KIAA0586: variants seen among roughly 807,000 people sequenced by gnomAD.
KIAA0586 encodes the protein KIAA0586.
A neutral mutation model predicts 169.8 loss-of-function variants in KIAA0586; 144 were observed. The ratio of observed to expected loss-of-function variants is 0.85; its 90% CI spans 0.74 to 0.97. The LOEUF is 0.97. Among genes scored for constraint, KIAA0586 ranks in the 50% least tolerant of loss-of-function variants. KIAA0586 has a pLI of 0.00. For synonymous variants in KIAA0586, 625 were observed against 612.4 expected (o/e 1.02, Z -0.30); for missense variants, 1,854 against 1,823.0 (o/e 1.02, Z -0.31).
At chr14:58,453,241 TA>T in intron 8 of KIAA0586, 108 bp from the exon 9 acceptor site, 1 of 582,380 alleles carries the variant, frequency 1.7e-6, no homozygotes, top group Non-Finnish European at 2.7e-6. Flanking sequence ...ATTGAGTAGA[TA>T]ATCATCATAA....
intron 4 of KIAA0586, among the ~76,000 whole-genome samples, chr14:58,433,541 T>G (rs778905071): frequency 3.9e-5 from 6 of 152,266 alleles, no homozygotes; most frequent in Non-Finnish European, 7.3e-5. Context: ...TAGGTGATAT[T>G]ATATACTTCC....
chr14:58,528,695 A>T (rs1363980643), intron 29 of KIAA0586, among the ~76,000 whole-genome samples: 1 of 152,234 alleles, frequency 6.6e-6, no homozygotes, highest in Non-Finnish European at 1.5e-5. Context: ...TCTGGGACAC[A>T]TTTAAAGCAG....
chr14:58,434,583 G>C (rs1430761903), intron 4 of KIAA0586, among the ~76,000 whole-genome samples: 1 of 152,134 alleles, frequency 6.6e-6, no homozygotes, highest in African/African-American at 2.4e-5. Flanking sequence ...TTTTCATCAT[G>C]CTATTGTAAT....
chr14:58,539,848 A>G, intron 29 of KIAA0586: 1 of 359,658 alleles, frequency 2.8e-6, no homozygotes. Flanking sequence ...TGATGCATAA[A>G]GATAATAATC....
downstream of KIAA0586, among the ~76,000 whole-genome samples, chr14:58,553,757 G>A (rs368217448): frequency 5.3e-5 from 8 of 152,178 alleles, no homozygotes; most frequent in East Asian, 1.3e-3. Flanking sequence ...TGTAGCTGTT[G>A]TCAAGAGGAC....
At position 58,508,590 on chromosome 14, in the gene KIAA0586, C is replaced by G; in HGVS notation, c.4204C>G (p.Pro1402Ala). 6 of 1,597,778 alleles carry G rather than the reference C, an allele frequency of 3.8e-6. No homozygotes were observed. The highest frequency in any genetic ancestry group is 5.1e-6 in the Non-Finnish European group (6 of 1,171,394). The change falls in exon 28 of 31, where the codon CCA becomes GCA. Residue 1402 changes from proline (P) to alanine (A), a missense_variant. Transcript: ENST00000652326. ...IYEDSCASHG[P>A]MSLGELELEP... ...TGAAGATTCATGTGCTAGTCATGGT[C>G]CAATGAGTTTGGGAGAATTGGAGTT...
At chr14:58,511,041 A>G (rs2044349569) in intron 28 of KIAA0586, among the ~76,000 whole-genome samples, 1 of 152,150 alleles carries the variant, frequency 6.6e-6, no homozygotes, top group South Asian at 2.1e-4. Context: ...TGTTTATTGT[A>G]TTATCTTGAT....
Position 58,474,748 on chromosome 14 carries a change from G to T in KIAA0586, c.2776G>T (p.Asp926Tyr), listed in dbSNP as rs2141025303. The change falls in exon 19 of 31, where the codon GAT becomes TAT. Residue 926 changes from aspartate to tyrosine, a missense_variant. Coordinates refer to ENST00000652326, the MANE Select transcript of KIAA0586 (RefSeq NM_001329943.3). Reference sequence around the variant, plus strand: ...TTTTCAGCCCACTGCTGATATTCTGGATAAAGTAATTGAGAGAAAAGAAAC... The same window carrying T: ...TTTTCAGCCCACTGCTGATATTCTGTATAAAGTAATTGAGAGAAAAGAAAC... ...STFQPTADIL[D>Y]KVIERKETLE... The T allele has an allele frequency of 6.2e-7, 1 of 1,611,326 alleles. No individual in the cohort carries two copies.
At chr14:58,555,633 T>C (rs564520779), downstream of KIAA0586, among the ~76,000 whole-genome samples, 1 of 152,298 alleles carries the variant, frequency 6.6e-6, no homozygotes, top group Admixed American at 6.5e-5. Flanking sequence ...TTTTTCATTA[T>C]TTATTTACCA....
intron 14 of KIAA0586, chr14:58,464,197 G>T: frequency 3.0e-6 from 1 of 328,466 alleles, no homozygotes. Context: ...AATGGAATCT[G>T]GAACATCATT....
chr14:58,444,221 T>G, intron 6 of KIAA0586, 46 bp downstream of exon 6: 1 of 1,232,546 alleles, frequency 8.1e-7, no homozygotes. Flanking sequence ...TTTTATCACT[T>G]GGATCTCTCA....
intron 9 of KIAA0586, among the ~76,000 whole-genome samples, chr14:58,454,507 A>G (rs528895522): frequency 1.8e-4 from 28 of 152,256 alleles, no homozygotes; most frequent in Admixed American, 2.6e-4. Flanking sequence ...ACAGTACTCT[A>G]TTTCTTCATA....
rs1595267656 is a variant in KIAA0586 at position 58,474,719 on chromosome 14, C to T, written c.2747C>T (p.Ser916Phe). The T allele has an allele frequency of 2.0e-5, 33 of 1,613,432 alleles. No homozygotes were observed. In the East Asian group the frequency reaches 7.4e-4, roughly 36 times the overall value. Residue 916 changes from serine to phenylalanine, a missense_variant, in exon 19 of 31, where the codon TCT becomes TTT. Transcript: ENST00000652326. ...YNGPPFPPVA[S>F]TFQPTADILD... Reference sequence around the variant, plus strand: ...GGTCCTCCATTTCCGCCAGTTGCTTCTACTTTTCAGCCCACTGCTGATATT... The same window carrying T: ...GGTCCTCCATTTCCGCCAGTTGCTTTTACTTTTCAGCCCACTGCTGATATT...
chr14:58,460,174 G>A lies in KIAA0586; in HGVS notation c.1884+104G>A, dbSNP rs192337905. The stretch of plus-strand genomic sequence containing the variant: ...GAATGTGAAGGTGTTTTAAAAATAT[G>A]AAGGACTATACAAATGTAAGCTATC... On this transcript the variant is annotated intron_variant, in intron 13 of 30. Transcript: ENST00000652326. 5.9e-5 allele frequency: 41 copies of A among 690,034 alleles called. 2 individuals are homozygous for A. The highest frequency in any genetic ancestry group is 3.0e-4 in the Admixed American group (10 of 33,126). The allele number at this position is 690,034 out of a possible 1,614,324, so 42.7% of individuals were successfully genotyped here.
intron 17 of KIAA0586, among the ~76,000 whole-genome samples, chr14:58,471,726 C>A (rs900045676): frequency 5.9e-5 from 9 of 152,204 alleles, no homozygotes; most frequent in African/African-American, 2.2e-4. Flanking sequence ...ATTCTGCTGT[C>A]AGTAAGAGGC....
chr14:58,471,797 T>A lies in KIAA0586; in HGVS notation c.2554-402T>A, dbSNP rs2041232614. On this transcript the variant is annotated intron_variant, in intron 17 of 30. Coordinates refer to ENST00000652326, the MANE Select transcript of KIAA0586 (RefSeq NM_001329943.3). ...TGATTAGATTTGTAAAATGACTATT[T>A]TGTTTTTTTTCCTGAATTATTTGAT... Among the ~76,000 whole-genome samples the A allele has an allele frequency of 2.0e-5, 3 of 152,292 alleles. No homozygotes were observed. The South Asian group carries it at 6.2e-4, about 32-fold the overall frequency.
intron 4 of KIAA0586, chr14:58,433,105 T>C (rs1190375710): frequency 6.6e-6 from 1 of 152,260 alleles, no homozygotes; most frequent in African/African-American, 2.4e-5. Flanking sequence ...TTTTTGTTTT[T>C]TTTAAGACAG....
At chr14:58,439,272 C>T (rs1029425440) in intron 4 of KIAA0586, among the ~76,000 whole-genome samples, 2 of 152,046 alleles carry the variant, frequency 1.3e-5, no homozygotes, top group African/African-American at 4.8e-5. Context: ...CTGCAAGCTC[C>T]AACTCCTGGG....
In KIAA0586 at chr14:58,450,657, C is replaced by T. The variant is rs749530858; in HGVS notation, c.1040C>T (p.Ala347Val). Residue 347 changes from alanine (A) to valine (V), a missense_variant, in exon 8 of 31, where the codon GCT becomes GTT. Transcript: ENST00000652326. The stretch of plus-strand genomic sequence containing the variant: ...GAGACACCAGCACCTCGCAGATTTG[C>T]TCCTGTACCTGTTTCAAGGGATGAT... Reference protein sequence around the residue: ...PLETPAPRRFAPVPVSRDDEL... With the variant: ...PLETPAPRRFVPVPVSRDDEL... 1.2e-6 allele frequency: 2 copies of T among 1,609,912 alleles called. No homozygotes were observed. The highest frequency in any genetic ancestry group is 1.1e-5 in the South Asian group (1 of 90,982).
Sources: gnomAD v4.1 joint callset for allele counts (sites outside exome capture counted in the v4.1 genomes callset) on GRCh38, gnomAD v4.1.1 for gene constraint, MANE v1.5 for transcripts, NCBI Gene and HGNC (gene_info 2026-07-23, HGNC 2026-07-21) for gene names.